DLGAP2: variants seen among roughly 807,000 people sequenced by gnomAD.
The protein encoded by DLGAP2 is disks large-associated protein 2.
DLGAP2 carries 26 observed loss-of-function variants against 100.3 expected under a neutral mutation model. That is an observed-to-expected ratio of 0.26 (90% CI 0.19 to 0.36). The LOEUF (loss-of-function observed/expected upper bound fraction) is 0.36, where lower values mean the gene tolerates loss of function less well. Among genes scored for constraint, DLGAP2 ranks in the 10% least tolerant of loss-of-function variants. The pLI, the probability that DLGAP2 is intolerant of heterozygous loss-of-function variation, is 1.00. For missense variants in DLGAP2, 1,858 were observed against 1,453.2 expected, an observed-to-expected ratio of 1.28 and a Z score of -4.53; for synonymous variants, 886 against 630.1, an observed-to-expected ratio of 1.41 and a Z score of -6.08.
intron 3 of DLGAP2, among the ~76,000 whole-genome samples, chr8:1,497,183 G>A (rs190733344): frequency 4.1e-4 from 62 of 152,284 alleles, no homozygotes; most frequent in Admixed American, 1.4e-3. Flanking sequence ...GCATTCCCAC[G>A]CGTGAATGGA....
rs920527254 is a variant in DLGAP2 at position 1,702,283 on chromosome 8, C to T, written c.*877C>T. 5 of 151,924 alleles carry T rather than the reference C, an allele frequency of 3.3e-5. No individual in the cohort carries two copies. The highest frequency in any genetic ancestry group is 7.3e-5 in the African/African-American group (3 of 41,288). 9.4% of individuals were successfully genotyped at this position (151,924 alleles called of 1,614,324 possible). ...TATTTTCTTTAAGTTTCACCATTTA[C>T]GCTACATGTGATTTTTTTAATGTAT... On this transcript the variant is annotated 3_prime_UTR_variant, in exon 15 of 15. Coordinates refer to ENST00000637795, the MANE Select transcript of DLGAP2 (RefSeq NM_001346810.2).
intron 2 of DLGAP2, among the ~76,000 whole-genome samples, chr8:987,501 C>T (rs13274351): frequency 0.39 from 58,960 of 152,000 alleles, 12,406 homozygotes; most frequent in Admixed American, 0.54. Context: ...TTCTGCCGGA[C>T]GCCCCCACGA....
intron 4 of DLGAP2, among the ~76,000 whole-genome samples, chr8:1,523,149 G>T (rs1330825385): frequency 6.6e-6 from 1 of 152,190 alleles, no homozygotes; most frequent in Non-Finnish European, 1.5e-5. Context: ...AAGTTCTGGG[G>T]GGCGGGAGTG....
At chr8:1,209,231 A>G (rs192073723) in intron 2 of DLGAP2, among the ~76,000 whole-genome samples, 5 of 152,336 alleles carry the variant, frequency 3.3e-5, no homozygotes, top group African/African-American at 9.6e-5. Flanking sequence ...TGGAGGCATC[A>G]CATTACCCAA....
chr8:1,625,398 G>C (rs1797465879), intron 6 of DLGAP2, among the ~76,000 whole-genome samples: 1 of 152,116 alleles, frequency 6.6e-6, no homozygotes, highest in Non-Finnish European at 1.5e-5. Context: ...CACTCACAGG[G>C]TTCTTCCATG....
intron 2 of DLGAP2, among the ~76,000 whole-genome samples, chr8:937,304 A>G (rs1799094024): frequency 1.3e-5 from 2 of 152,292 alleles, no homozygotes; most frequent in African/African-American, 2.4e-5. Context: ...ATATTTCACC[A>G]TATTAAGATC....
Position 1,701,510 on chromosome 8 carries a change from T to TCCTCGCTC in DLGAP2, c.*107_*114dup. On this transcript the variant is annotated 3_prime_UTR_variant, in exon 15 of 15. Coordinates refer to ENST00000637795, the MANE Select transcript of DLGAP2 (RefSeq NM_001346810.2). ...CTGTCTCCTCCTCCCGCTGAACACG[T>TCCTCGCTC]CCTCGCTCCCGCGCTCCCCGCGCCC... The TCCTCGCTC allele has an allele frequency of 8.1e-7, 1 of 1,230,154 alleles. No individual in the cohort carries two copies. The highest frequency in any genetic ancestry group is 1.1e-6 in the Non-Finnish European group (1 of 905,054). 76.2% of individuals were successfully genotyped at this position (1,230,154 alleles called of 1,614,324 possible). A position where few individuals can be genotyped will look rare whatever the true frequency, so the allele number is the denominator to read the frequency against.
At chr8:852,297 C>T (rs1342133811) in intron 1 of DLGAP2, among the ~76,000 whole-genome samples, 1 of 152,176 alleles carries the variant, frequency 6.6e-6, no homozygotes, top group Non-Finnish European at 1.5e-5. Flanking sequence ...AGGCCTGGGG[C>T]TCTGCCTCCT....
chr8:914,972 C>G (rs1265388072), intron 2 of DLGAP2, among the ~76,000 whole-genome samples: 1 of 152,152 alleles, frequency 6.6e-6, no homozygotes, highest in African/African-American at 2.4e-5. Flanking sequence ...ATTTCTGTCA[C>G]ATCTTCTGAT....
At chr8:1,030,203 A>C (rs971402082) in intron 2 of DLGAP2, among the ~76,000 whole-genome samples, 3 of 152,226 alleles carry the variant, frequency 2.0e-5, no homozygotes, top group African/African-American at 7.2e-5. Flanking sequence ...ACCCGAAAGC[A>C]ATGAGCGTAC....
At chr8:1,432,844 C>T (rs557512767) in intron 3 of DLGAP2, among the ~76,000 whole-genome samples, 50 of 152,236 alleles carry the variant, frequency 3.3e-4, no homozygotes, top group African/African-American at 1.2e-3. Context: ...CACACTGGAC[C>T]CCGGTGACTT....
At chr8:954,632 T>C (rs1032024569) in intron 2 of DLGAP2, among the ~76,000 whole-genome samples, 1 of 152,156 alleles carries the variant, frequency 6.6e-6, no homozygotes, top group Non-Finnish European at 1.5e-5. Context: ...TATAATAGGA[T>C]TGGATTTAGA....
chr8:1,289,502 G>A (rs184977916), intron 3 of DLGAP2, among the ~76,000 whole-genome samples: 7 of 152,308 alleles, frequency 4.6e-5, no homozygotes, highest in Non-Finnish European at 7.3e-5. Context: ...TAAGACTCAC[G>A]TGCGGGGATA....
intron 3 of DLGAP2, among the ~76,000 whole-genome samples, chr8:1,303,121 G>C (rs900092946): frequency 1.2e-4 from 19 of 152,194 alleles, no homozygotes; most frequent in Non-Finnish European, 2.6e-4. Flanking sequence ...GAAGGGGTGG[G>C]GCGCGGTGGC....
chr8:780,303 T>C (rs1821650012), intron 1 of DLGAP2, among the ~76,000 whole-genome samples: 2 of 152,234 alleles, frequency 1.3e-5, no homozygotes, highest in African/African-American at 4.8e-5. Flanking sequence ...CTCATTCACA[T>C]TGTCATTAAT....
In DLGAP2 at chr8:1,498,395, A is replaced by G. The variant is rs148679308; in HGVS notation, c.107-2971A>G. ...CAAAATAAATAAAAAAAAAAAAATT[A>G]CACATTCGGGATGGAAATATTTTTA... On this transcript the variant is annotated intron_variant, in intron 3 of 14. Coordinates refer to ENST00000637795, the MANE Select transcript of DLGAP2 (RefSeq NM_001346810.2). Among the ~76,000 whole-genome samples, 519 of 152,006 alleles carry G rather than the reference A, an allele frequency of 3.4e-3. 3 individuals carry two copies. The highest frequency in any genetic ancestry group is 0.012 in the African/African-American group (490 of 41,500).
intron 4 of DLGAP2, among the ~76,000 whole-genome samples, chr8:1,509,345 C>A (rs73172582): frequency 0.18 from 8,949 of 51,108 alleles, 890 homozygotes; most frequent in African/African-American, 0.35. Flanking sequence ...AAAAAAAAAA[C>A]CGTATAGACT....
chr8:855,200 A>C (rs1271504355), intron 1 of DLGAP2, among the ~76,000 whole-genome samples: 2 of 152,210 alleles, frequency 1.3e-5, no homozygotes, highest in African/African-American at 2.4e-5. Context: ...GCAGGCATTT[A>C]TGTGGGATCA....
intron 1 of DLGAP2, among the ~76,000 whole-genome samples, chr8:814,997 A>C (rs542957592): frequency 8.5e-5 from 13 of 152,208 alleles, no homozygotes; most frequent in African/African-American, 2.9e-4. Context: ...AGTGTTAAGC[A>C]TAAAAAGAAC....
Sources: gnomAD v4.1 joint callset for allele counts (sites outside exome capture counted in the v4.1 genomes callset) on GRCh38, gnomAD v4.1.1 for gene constraint, MANE v1.5 for transcripts, NCBI Gene and HGNC (gene_info 2026-07-23, HGNC 2026-07-21) for gene names.